The following OPCML variants were observed in gnomAD, a reference collection of about 807,000 sequenced individuals.
The protein encoded by OPCML is opioid binding protein/cell adhesion molecule like, also known as opioid-binding protein/cell adhesion molecule.
OPCML carries 13 observed loss-of-function variants against 37.8 expected under a neutral mutation model. The observed-to-expected ratio is 0.34, with a 90% CI of 0.22 to 0.55. The LOEUF (loss-of-function observed/expected upper bound fraction) is 0.55. OPCML is among the 20% of genes least tolerant of loss of function. OPCML has a pLI of 0.91. For missense variants in OPCML, 341 were observed against 435.6 expected, an observed-to-expected ratio of 0.78 and a Z score of 1.93; for synonymous variants, 176 against 168.8, an observed-to-expected ratio of 1.04 and a Z score of -0.33.
At chr11:132,991,778 T>C (rs937828199) in intron 1 of OPCML, among the ~76,000 whole-genome samples, 5 of 152,276 alleles carry the variant, frequency 3.3e-5, no homozygotes, top group East Asian at 3.9e-4. Flanking sequence ...CACCCCAAGG[T>C]TGATTCCCGA....
intron 1 of OPCML, among the ~76,000 whole-genome samples, chr11:133,499,275 T>A (rs545781517): frequency 6.6e-6 from 1 of 152,276 alleles, no homozygotes; most frequent in South Asian, 2.1e-4. Flanking sequence ...GAGGAACTAG[T>A]GGGCATGAAA....
chr11:132,638,958 C>T (rs540404443), intron 3 of OPCML, among the ~76,000 whole-genome samples: 59 of 152,236 alleles, frequency 3.9e-4, no homozygotes, highest in African/African-American at 1.1e-3. Flanking sequence ...GTTTTTTCTG[C>T]GCAGCGGGTA....
intron 1 of OPCML, among the ~76,000 whole-genome samples, chr11:133,083,819 G>C (rs534539811): frequency 1.1e-3 from 174 of 152,310 alleles, no homozygotes; most frequent in African/African-American, 1.5e-3. Flanking sequence ...AGGATTCGCT[G>C]CACGGAAGGT....
chr11:132,731,399 G>C (rs775233220), intron 2 of OPCML, among the ~76,000 whole-genome samples: 1 of 152,160 alleles, frequency 6.6e-6, no homozygotes, highest in Non-Finnish European at 1.5e-5. Flanking sequence ...AGTCTAAAGA[G>C]TTATAAAGCT....
At chr11:132,876,989 T>C (rs1943044863) in intron 2 of OPCML, among the ~76,000 whole-genome samples, 1 of 152,236 alleles carries the variant, frequency 6.6e-6, no homozygotes. Context: ...TGATTGGCAA[T>C]GGCTGTCCTT....
At chr11:133,099,579 G>A (rs981439114) in intron 1 of OPCML, among the ~76,000 whole-genome samples, 19 of 151,432 alleles carry the variant, frequency 1.3e-4, no homozygotes, top group African/African-American at 3.9e-4. Context: ...GAGCCACCTC[G>A]CCTGGCCTGA....
At chr11:133,005,123 T>G (rs1161348610) in intron 1 of OPCML, 3 of 985,200 alleles carry the variant, frequency 3.0e-6, no homozygotes, top group Non-Finnish European at 3.6e-6. Context: ...AAATCCAAAC[T>G]TAGAATGAAA....
intron 3 of OPCML, among the ~76,000 whole-genome samples, chr11:132,549,009 T>G (rs1476300554): frequency 6.6e-6 from 1 of 152,118 alleles, no homozygotes; most frequent in African/African-American, 2.4e-5. Flanking sequence ...ATCTTGGACA[T>G]GGGCTGGGTA....
intron 2 of OPCML, among the ~76,000 whole-genome samples, chr11:132,839,346 G>A (rs759635883): frequency 4.6e-5 from 7 of 152,172 alleles, no homozygotes; most frequent in Non-Finnish European, 1.0e-4. Flanking sequence ...TGACTTCATT[G>A]ACTGGAGCTG....
intron 1 of OPCML, among the ~76,000 whole-genome samples, chr11:132,973,009 G>A (rs1188847390): frequency 6.6e-6 from 1 of 152,184 alleles, no homozygotes; most frequent in South Asian, 2.1e-4. Context: ...ACCTGGTACT[G>A]AGCCTCCAGC....
intron 3 of OPCML, among the ~76,000 whole-genome samples, chr11:132,587,814 T>C (rs2096476306): frequency 6.6e-6 from 1 of 152,132 alleles, no homozygotes; most frequent in South Asian, 2.1e-4. Context: ...ACCCTGTAAG[T>C]ATTCCATTTT....
At chr11:132,901,597 T>C (rs1157946757) in intron 2 of OPCML, among the ~76,000 whole-genome samples, 10 of 152,134 alleles carry the variant, frequency 6.6e-5, no homozygotes. Context: ...GGGCAACAAA[T>C]TTGGGGTGCA....
chr11:133,027,835 G>A (rs1184846998), intron 1 of OPCML, among the ~76,000 whole-genome samples: 3 of 151,810 alleles, frequency 2.0e-5, no homozygotes. Flanking sequence ...GGGGAGGTGG[G>A]GTGGGAGTGT....
intron 1 of OPCML, among the ~76,000 whole-genome samples, chr11:132,986,032 T>A (rs1172848400): frequency 6.6e-6 from 1 of 152,232 alleles, no homozygotes; most frequent in African/African-American, 2.4e-5. Context: ...CTGCCTGGAA[T>A]GTGTTTATGA....
chr11:133,017,732 T>A (rs1319516982), intron 1 of OPCML, among the ~76,000 whole-genome samples: 1 of 152,230 alleles, frequency 6.6e-6, no homozygotes, highest in East Asian at 1.9e-4. Flanking sequence ...TTATTTATGA[T>A]ACAGATGCTC....
chr11:132,925,859 C>G (rs11223282), intron 2 of OPCML, among the ~76,000 whole-genome samples: 31,455 of 152,062 alleles, frequency 0.21, 3,992 homozygotes, highest in Non-Finnish European at 0.29. Flanking sequence ...ACATGTCAGA[C>G]CAGAAGGTAG....
At chr11:133,216,017 G>A (rs1939573257) in intron 1 of OPCML, among the ~76,000 whole-genome samples, 1 of 152,162 alleles carries the variant, frequency 6.6e-6, no homozygotes, top group South Asian at 2.1e-4. Context: ...CAGGTGGGCA[G>A]GCAGTACAGA....
intron 1 of OPCML, among the ~76,000 whole-genome samples, chr11:133,513,213 C>T (rs1948196528): frequency 6.6e-6 from 1 of 152,112 alleles, no homozygotes; most frequent in African/African-American, 2.4e-5. Flanking sequence ...CTATTTATAA[C>T]ATGGACATTG....
chr11:132,852,382 A>G (rs1207719902), intron 2 of OPCML, among the ~76,000 whole-genome samples: 1 of 152,170 alleles, frequency 6.6e-6, no homozygotes, highest in Non-Finnish European at 1.5e-5. Context: ...AGCGGTTTTC[A>G]AAGTGTGACC....
Sources: allele counts gnomAD v4.1 joint callset (sites outside exome capture counted in the v4.1 genomes callset), GRCh38; gene constraint gnomAD v4.1.1; transcripts MANE v1.5; gene names NCBI Gene and HGNC (gene_info 2026-07-23, HGNC 2026-07-21).